The following KPNB1 variants were observed in gnomAD, a reference collection of about 807,000 sequenced individuals.
KPNB1 encodes karyopherin subunit beta 1, also known as importin subunit beta-1.
In KPNB1, 7 loss-of-function variants were observed where a neutral mutation model predicts 113.0. The observed-to-expected ratio is 0.06, with a 90% CI of 0.04 to 0.12. The LOEUF (loss-of-function observed/expected upper bound fraction) is 0.12. Ranked by LOEUF, KPNB1 falls within the 10% of genes least tolerant of loss-of-function variation. The pLI is 1.00. For synonymous variants in KPNB1, 363 were observed against 378.6 expected, an observed-to-expected ratio of 0.96 and a Z score of 0.48; for missense variants, 400 against 1,054.8, an observed-to-expected ratio of 0.38 and a Z score of 8.60.
At chr17:47,659,473 C>T (rs928731252) in intron 5 of KPNB1, among the ~76,000 whole-genome samples, 13 of 151,932 alleles carry the variant, frequency 8.6e-5, no homozygotes, top group East Asian at 1.9e-4. Flanking sequence ...TTGTGGAGGC[C>T]GGGTGCTGGG....
intron 2 of KPNB1, 122 bp downstream of exon 2, chr17:47,650,566 C>A: frequency 3.0e-6 from 2 of 665,264 alleles, no homozygotes; most frequent in Non-Finnish European, 5.2e-6. Flanking sequence ...CCCCCTCCCC[C>A]CTCCCCCTCC....
At chr17:47,653,674 C>T (rs1020332973) in intron 3 of KPNB1, among the ~76,000 whole-genome samples, 1 of 152,196 alleles carries the variant, frequency 6.6e-6, no homozygotes, top group Non-Finnish European at 1.5e-5. Flanking sequence ...GGAATTCCTA[C>T]ATATGTACTT....
chr17:47,680,434 T>C (rs1401528613), intron 20 of KPNB1, 74 bp from the exon 21 acceptor site: 1 of 1,519,622 alleles, frequency 6.6e-7, no homozygotes, highest in East Asian at 2.3e-5. Context: ...CCCATAGCAC[T>C]GGTTTGGAAG....
intron 12 of KPNB1, among the ~76,000 whole-genome samples, chr17:47,671,358 T>C (rs1327959918): frequency 6.6e-6 from 1 of 152,216 alleles, no homozygotes; most frequent in Non-Finnish European, 1.5e-5. Context: ...AGCTGAAATC[T>C]GAATATAGTG....
chr17:47,650,573 C>CT, intron 2 of KPNB1, 129 bp downstream of exon 2: 1 of 751,892 alleles, frequency 1.3e-6, no homozygotes, highest in South Asian at 1.7e-5. Flanking sequence ...CCCCCTCCCC[C>CT]TCCCCCCCCA....
In KPNB1 at chr17:47,677,140, A is replaced by C. The variant is rs1165349589; in HGVS notation, c.2103+13A>C. 6.5e-7 allele frequency: 1 copy of C among 1,533,486 alleles called. No individual in the cohort carries two copies. The highest frequency in any genetic ancestry group is 1.7e-5 in the Admixed American group (1 of 59,520). 95.0% of individuals were successfully genotyped at this position (1,533,486 alleles called of 1,614,324 possible). On this transcript the variant is annotated intron_variant, in intron 17 of 21. Coordinates refer to ENST00000290158, the MANE Select transcript of KPNB1 (RefSeq NM_002265.6). ...GGAAAATTTGGGGGTGAGTATCTACACACAATCTAATTAACCAGTCTTCTT... is the reference window on the plus strand; with the variant it reads ...GGAAAATTTGGGGGTGAGTATCTACCCACAATCTAATTAACCAGTCTTCTT...
chr17:47,661,465 G>C (rs879405061), intron 6 of KPNB1, among the ~76,000 whole-genome samples: 9 of 152,084 alleles, frequency 5.9e-5, no homozygotes, highest in Admixed American at 3.9e-4. Flanking sequence ...AGCTGGGTGT[G>C]GTGGCACGTG....
At chr17:47,670,162 G>A (rs1053546523) in intron 11 of KPNB1, among the ~76,000 whole-genome samples, 2 of 152,158 alleles carry the variant, frequency 1.3e-5, no homozygotes, top group African/African-American at 4.8e-5. Context: ...TTTGATTAAG[G>A]TAGAGAGTTT....
In KPNB1 at chr17:47,683,891, T is replaced by C. The variant is rs575081546; in HGVS notation, c.*1487T>C. On this transcript the variant is annotated 3_prime_UTR_variant, in exon 22 of 22. Transcript: ENST00000290158. ...TGAATATTTTTTTAGAAGTGTGATG[T>C]GGTATGATTACCATAAATCAGACTT... The C allele has an allele frequency of 6.6e-6, 1 of 152,464 alleles. No homozygotes were observed. Among genetic ancestry groups the C allele is most frequent in the East Asian group, 1.9e-4 (1 of 5,188 alleles). The allele number at this position is 152,464 out of a possible 1,614,324, so 9.4% of individuals were successfully genotyped here. A position where few individuals can be genotyped will look rare whatever the true frequency, so the allele number is the denominator to read the frequency against.
rs1227053948 is a variant in KPNB1 at position 47,657,075 on chromosome 17, A to G, written c.483+15A>G. ...GCCAAGATATAGTAAGTGCTTGCCT[A>G]ATGTATCTGGTTTATATACCTCTGA... On this transcript the variant is annotated intron_variant, in intron 4 of 21. Transcript: ENST00000290158. 5 of 1,608,280 alleles carry G rather than the reference A, an allele frequency of 3.1e-6. No homozygotes were observed. Among genetic ancestry groups the G allele is most frequent in the African/African-American group, 2.7e-5 (2 of 74,838 alleles).
At chr17:47,670,516 AG>A (rs2030413925) in intron 11 of KPNB1, 185 bp from the exon 12 acceptor site, 1 of 462,906 alleles carries the variant, frequency 2.2e-6, no homozygotes, top group African/African-American at 2.0e-5. Flanking sequence ...CAGGATGAAC[AG>A]GAAGTACAAA....
At chr17:47,668,887 A>AT (rs780509736) in intron 10 of KPNB1, among the ~76,000 whole-genome samples, 120 of 151,696 alleles carry the variant, frequency 7.9e-4, no homozygotes, top group Middle Eastern at 3.4e-3. Context: ...AAATGTTCTT[A>AT]TGGAAATGTT....
intron 14 of KPNB1, 38 bp from the exon 15 acceptor site, chr17:47,674,600 T>C: frequency 1.3e-6 from 2 of 1,589,616 alleles, no homozygotes; most frequent in Non-Finnish European, 1.7e-6. Flanking sequence ...TTGGGAGATT[T>C]GGAATCAACT....
chr17:47,660,256 C>T (rs1005344054), intron 5 of KPNB1, among the ~76,000 whole-genome samples: 1 of 152,220 alleles, frequency 6.6e-6, no homozygotes, highest in Admixed American at 6.5e-5. Context: ...ATGATGTCCT[C>T]GAGATTCATC....
rs10602429 is a variant in KPNB1 at position 47,681,055 on chromosome 17, T to TTG, written c.2630+410_2630+411dup. Among the ~76,000 whole-genome samples, 28 of 147,228 alleles carry TTG rather than the reference T, an allele frequency of 1.9e-4. No individual in the cohort carries two copies. The East Asian group carries it at 3.2e-3, about 17-fold the overall frequency. On this transcript the variant is annotated intron_variant, in intron 21 of 21. Coordinates refer to ENST00000290158, the MANE Select transcript of KPNB1 (RefSeq NM_002265.6). Reference sequence around the variant, plus strand: ...AAGATTTCCAAAGTCAAATGTTTTTTTGTGTGTGTGTGTGTGTGTGTGTGT... The same window carrying TTG: ...AAGATTTCCAAAGTCAAATGTTTTTTTGTGTGTGTGTGTGTGTGTGTGTGTGT...
intron 3 of KPNB1, among the ~76,000 whole-genome samples, chr17:47,654,671 G>T (rs1015055243): frequency 6.6e-6 from 1 of 152,110 alleles, no homozygotes; most frequent in Non-Finnish European, 1.5e-5. Flanking sequence ...TTAGTACTCA[G>T]GAGGTGGACA....
Position 47,649,995 on chromosome 17 carries a change from C to G in KPNB1, c.-250C>G, listed in dbSNP as rs1477707557. Reference sequence around the variant, plus strand: ...TCCGCCTCCCGAGCACCAGCGCGCTCTGAGCTGCCCCCAGGGTCCCTCCCC... The same window carrying G: ...TCCGCCTCCCGAGCACCAGCGCGCTGTGAGCTGCCCCCAGGGTCCCTCCCC... On this transcript the variant is annotated 5_prime_UTR_variant, in exon 1 of 22. Coordinates refer to ENST00000290158, the MANE Select transcript of KPNB1 (RefSeq NM_002265.6). The G allele has an allele frequency of 1.5e-6, 2 of 1,342,770 alleles. No individual in the cohort carries two copies. Among genetic ancestry groups the G allele is most frequent in the African/African-American group, 3.1e-5 (2 of 65,516 alleles). 83.2% of individuals were successfully genotyped at this position (1,342,770 alleles called of 1,614,324 possible).
intron 4 of KPNB1, among the ~76,000 whole-genome samples, chr17:47,657,481 G>GC (rs1302216226): frequency 1.3e-5 from 2 of 152,046 alleles, no homozygotes; most frequent in Admixed American, 6.6e-5. Flanking sequence ...TTTAGATGTA[G>GC]CCCCCCCAGC....
chr17:47,680,391 G>A, intron 20 of KPNB1, 117 bp from the exon 21 acceptor site: 1 of 1,201,878 alleles, frequency 8.3e-7, no homozygotes, highest in South Asian at 1.5e-5. Context: ...CCTCTACTGA[G>A]GGTTTTATTT....
Sources: gnomAD v4.1 joint callset for allele counts (sites outside exome capture counted in the v4.1 genomes callset) on GRCh38, gnomAD v4.1.1 for gene constraint, MANE v1.5 for transcripts, NCBI Gene and HGNC (gene_info 2026-07-23, HGNC 2026-07-21) for gene names.